TTC39B: variants seen among roughly 807,000 people sequenced by gnomAD.
TTC39B encodes the protein tetratricopeptide repeat domain 39B, also known as tetratricopeptide repeat protein 39B.
In TTC39B, 92 loss-of-function variants were observed where a neutral mutation model predicts 96.6. The observed-to-expected ratio is 0.95, with a 90% CI of 0.80 to 1.13. The LOEUF (loss-of-function observed/expected upper bound fraction) is 1.13, where lower values mean the gene tolerates loss of function less well. Ranked by LOEUF, TTC39B falls within the 50% of genes most tolerant of loss-of-function variation. The pLI is 0.00. For synonymous variants in TTC39B, 367 were observed against 299.4 expected (o/e 1.23, Z -2.33); for missense variants, 955 against 809.3 (o/e 1.18, Z -2.18).
chr9:15,279,440 G>C (rs59038746), intron 1 of TTC39B, among the ~76,000 whole-genome samples: 9,543 of 152,236 alleles, frequency 0.063, 933 homozygotes, highest in African/African-American at 0.21. Flanking sequence ...AGAAGGTAAA[G>C]GGACTTGAGC....
exon 9 of TTC39B, chr9:15,192,640 A>T: frequency 6.2e-7 from 1 of 1,614,174 alleles, no homozygotes; most frequent in Non-Finnish European, 8.5e-7. Flanking sequence ...AACTCATAGA[A>T]GAATTCCTGC....
At chr9:15,218,126 C>T (rs373238292) in intron 3 of TTC39B, among the ~76,000 whole-genome samples, 24 of 146,564 alleles carry the variant, frequency 1.6e-4, no homozygotes, top group African/African-American at 4.6e-4. Context: ...GCTGAGATCG[C>T]GCCACTGCAT....
At chr9:15,244,850 A>G (rs1018746653) in intron 2 of TTC39B, among the ~76,000 whole-genome samples, 1 of 152,242 alleles carries the variant, frequency 6.6e-6, no homozygotes, top group Non-Finnish European at 1.5e-5. Context: ...CTTTTAAAAT[A>G]TCACCACCTA....
chr9:15,192,461 T>C, intron 9 of TTC39B, 129 bp downstream of exon 9: 1 of 654,128 alleles, frequency 1.5e-6, no homozygotes, highest in African/African-American at 1.8e-5. Flanking sequence ...AGAAAACTGA[T>C]CCCACTCTAG....
intron 1 of TTC39B, among the ~76,000 whole-genome samples, chr9:15,269,192 T>C (rs1823245030): frequency 6.6e-6 from 1 of 152,216 alleles, no homozygotes; most frequent in African/African-American, 2.4e-5. Context: ...AATAGCAGCT[T>C]ACATAAAGTT....
At chr9:15,269,617 G>A (rs138654684) in intron 1 of TTC39B, among the ~76,000 whole-genome samples, 33 of 152,334 alleles carry the variant, frequency 2.2e-4, no homozygotes, top group African/African-American at 7.2e-4. Context: ...ACTTTGGGAG[G>A]CCGAGGCGGG....
At chr9:15,300,982 A>G (rs2131620688) in intron 1 of TTC39B, among the ~76,000 whole-genome samples, 1 of 151,328 alleles carries the variant, frequency 6.6e-6, no homozygotes, top group Middle Eastern at 3.5e-3. Flanking sequence ...TTCAGGACAC[A>G]ATGACTCACG....
intron 8 of TTC39B, among the ~76,000 whole-genome samples, chr9:15,196,603 T>G (rs1819185260): frequency 6.6e-6 from 1 of 152,212 alleles, no homozygotes; most frequent in African/African-American, 2.4e-5. Context: ...TGATGACACT[T>G]TAATGGATGA....
intron 2 of TTC39B, among the ~76,000 whole-genome samples, chr9:15,263,749 C>T (rs191742641): frequency 3.9e-5 from 6 of 152,312 alleles, no homozygotes; most frequent in Admixed American, 1.3e-4. Flanking sequence ...ACTCCAGCAC[C>T]TAATCTGGCT....
intron 1 of TTC39B, among the ~76,000 whole-genome samples, chr9:15,270,144 T>C (rs866205859): frequency 6.6e-6 from 1 of 151,312 alleles, no homozygotes; most frequent in African/African-American, 2.4e-5. Flanking sequence ...CACTCCAGAC[T>C]GGGCAACAGA....
chr9:15,198,464 ATATATAT>A (rs1819317067), intron 8 of TTC39B, among the ~76,000 whole-genome samples: 1 of 98,406 alleles, frequency 1.0e-5, no homozygotes, highest in African/African-American at 3.8e-5. Flanking sequence ...TCGCAAAAAT[ATATATAT>A]ATATATATAT....
exon 20 of TTC39B, chr9:15,165,517 A>G (rs1817502253): frequency 6.6e-6 from 1 of 152,238 alleles, no homozygotes; most frequent in Admixed American, 6.5e-5. Context: ...CCATTCTCAC[A>G]CTGCTATGAA....
At chr9:15,186,530 A>G (rs1818533491) in intron 15 of TTC39B, 1 of 153,748 alleles carries the variant, frequency 6.5e-6, no homozygotes, top group Non-Finnish European at 1.4e-5. Flanking sequence ...CTTAATCTGC[A>G]GTGGAAGAAA....
At chr9:15,205,576 C>A (rs1057462205) in intron 6 of TTC39B, among the ~76,000 whole-genome samples, 2 of 152,208 alleles carry the variant, frequency 1.3e-5, no homozygotes, top group Non-Finnish European at 2.9e-5. Flanking sequence ...GCCTGCACAT[C>A]CACAGTCAGG....
chr9:15,274,785 T>C (rs947769493), intron 1 of TTC39B, among the ~76,000 whole-genome samples: 2 of 152,212 alleles, frequency 1.3e-5, no homozygotes, highest in South Asian at 2.1e-4. Flanking sequence ...AATAATTTTT[T>C]TAGATTTTTT....
At chr9:15,298,389 A>C (rs4740607) in intron 1 of TTC39B, among the ~76,000 whole-genome samples, 56,789 of 152,086 alleles carry the variant, frequency 0.37, 12,678 homozygotes, top group East Asian at 0.6. Context: ...AGAAATACCC[A>C]AGACTGCATA....
chr9:15,174,800 T>C (rs1817841863), intron 19 of TTC39B, among the ~76,000 whole-genome samples: 3 of 152,180 alleles, frequency 2.0e-5, no homozygotes, highest in Admixed American at 2.0e-4. Context: ...CCCATAATCA[T>C]ATCTGTAAAC....
intron 1 of TTC39B, among the ~76,000 whole-genome samples, chr9:15,291,120 G>C (rs1824175024): frequency 6.6e-6 from 1 of 152,114 alleles, no homozygotes; most frequent in South Asian, 2.1e-4. Flanking sequence ...GGTGAAGAAG[G>C]GCCACCCTCT....
At chr9:15,177,862 T>C in intron 17 of TTC39B, 48 bp from the exon 18 acceptor site, 1 of 1,216,452 alleles carries the variant, frequency 8.2e-7, no homozygotes, top group Non-Finnish European at 1.1e-6. Context: ...AAAATACTTT[T>C]TAAGATCTTT....
Sources: gnomAD v4.1 joint callset for allele counts (sites outside exome capture counted in the v4.1 genomes callset) on GRCh38, gnomAD v4.1.1 for gene constraint, MANE v1.5 for transcripts, NCBI Gene and HGNC (gene_info 2026-07-23, HGNC 2026-07-21) for gene names.